Variants in ZNF638 observed in about 807,000 individuals in gnomAD.
ZNF638 encodes the protein zinc finger protein 638.
A neutral mutation model predicts 195.6 loss-of-function variants in ZNF638; 46 were observed. The ratio of observed to expected loss-of-function variants is 0.24; its 90% CI spans 0.19 to 0.30. The LOEUF is 0.30. Among genes scored for constraint, ZNF638 ranks in the 10% least tolerant of loss-of-function variants. ZNF638 has a pLI of 1.00. For synonymous variants in ZNF638, 845 were observed against 772.0 expected (o/e 1.09, Z -1.57); for missense variants, 2,440 against 2,325.3 (o/e 1.05, Z -1.01).
In ZNF638 at chr2:71,364,205, G is replaced by C; in HGVS notation, c.1670G>C (p.Arg557Pro). Reference protein sequence around the residue: ...NPFRGSPKCFRSVSPERMSRR... With the variant: ...NPFRGSPKCFPSVSPERMSRR... ...TTTAGAGGTAGTCCAAAATGCTTTC[G>C]ATCAGTTAGCCCTGAGAGGATGTCA... The change falls in exon 5 of 28, where the codon CGA becomes CCA. Residue 557 changes from arginine (R) to proline (P), a missense_variant. Around this residue, in one of 5 missense-constraint regions of ZNF638, gnomAD observed 1,883 missense variants for 1,739.1 expected, o/e 1.08. Coordinates refer to ENST00000264447, the MANE Select transcript of ZNF638 (RefSeq NM_014497.5). 6.2e-7 allele frequency: 1 copy of C among 1,614,174 alleles called. No individual in the cohort carries two copies.
chr2:71,358,871 A>C (rs1440147998), intron 3 of ZNF638, among the ~76,000 whole-genome samples: 1 of 152,174 alleles, frequency 6.6e-6, no homozygotes, highest in Admixed American at 6.5e-5. Flanking sequence ...TTGCATTATT[A>C]CTATACCTGT....
intron 8 of ZNF638, among the ~76,000 whole-genome samples, chr2:71,373,427 T>A (rs2079353978): frequency 6.8e-6 from 1 of 147,902 alleles, no homozygotes; most frequent in African/African-American, 2.5e-5. Flanking sequence ...CATACATATA[T>A]CAAGTTTGAA....
At position 71,395,483 on chromosome 2, in the gene ZNF638, T is replaced by C. The variant is rs552635756; in HGVS notation, c.2378-658T>C. ...TGAAGGCAGCTAAATTCTCTTACCCTGACGCTAAGGGCAAGAAGTAGGTAA... is the reference window on the plus strand; with the variant it reads ...TGAAGGCAGCTAAATTCTCTTACCCCGACGCTAAGGGCAAGAAGTAGGTAA... On this transcript the variant is annotated intron_variant, in intron 10 of 27. Coordinates refer to ENST00000264447, the MANE Select transcript of ZNF638 (RefSeq NM_014497.5). 9 of 604,338 alleles carry C rather than the reference T, an allele frequency of 1.5e-5. No individual in the cohort carries two copies. The East Asian group carries it at 2.5e-4, about 17-fold the overall frequency. The allele number at this position is 604,338 out of a possible 1,614,324, so 37.4% of individuals were successfully genotyped here. A position where few individuals can be genotyped will look rare whatever the true frequency, so the allele number is the denominator to read the frequency against.
At chr2:71,358,087 A>G (rs1400460557) in intron 3 of ZNF638, among the ~76,000 whole-genome samples, 2 of 152,124 alleles carry the variant, frequency 1.3e-5, no homozygotes, top group African/African-American at 4.8e-5. Context: ...ACTGGGGACA[A>G]TCATTGACAT....
chr2:71,384,009 A>C (rs1419127849), intron 10 of ZNF638, among the ~76,000 whole-genome samples: 2 of 151,988 alleles, frequency 1.3e-5, no homozygotes, highest in Middle Eastern at 3.4e-3. Flanking sequence ...TATATTATTT[A>C]ACAGTTACCA....
intron 3 of ZNF638, 94 bp downstream of exon 3, chr2:71,355,874 G>A: frequency 3.4e-6 from 2 of 589,088 alleles, no homozygotes; most frequent in Non-Finnish European, 2.7e-6. Context: ...ATAATACTTT[G>A]GAGAAAAATA....
intron 20 of ZNF638, among the ~76,000 whole-genome samples, chr2:71,410,807 G>C (rs2080198842): frequency 6.6e-6 from 1 of 152,020 alleles, no homozygotes; most frequent in Non-Finnish European, 1.5e-5. Context: ...ATTTCAAGGG[G>C]AGATTTTTAG....
chr2:71,368,012 C>T (rs754786577), intron 6 of ZNF638, among the ~76,000 whole-genome samples: 1 of 152,106 alleles, frequency 6.6e-6, no homozygotes, highest in Non-Finnish European at 1.5e-5. Flanking sequence ...GCTGTAATTT[C>T]AGCTTTACTT....
intron 2 of ZNF638, 127 bp from the exon 3 acceptor site, chr2:71,355,592 C>G: frequency 3.0e-6 from 2 of 668,454 alleles, no homozygotes; most frequent in Non-Finnish European, 5.0e-6. Context: ...ACTGAGCAGC[C>G]AAATGCTATT....
chr2:71,433,221 T>C lies in ZNF638; in HGVS notation c.5809T>C (p.Tyr1937His). The C allele has an allele frequency of 6.2e-7, 1 of 1,614,200 alleles. No homozygotes were observed. The highest frequency in any genetic ancestry group is 8.5e-7 in the Non-Finnish European group (1 of 1,180,012). Residue 1937 changes from tyrosine (Y) to histidine (H), a missense_variant, in exon 27 of 28, where the codon TAC becomes CAC. By Grantham distance (83) the Tyr-to-His change is moderately conservative (BLOSUM62 2). Around this residue, in one of 5 missense-constraint regions of ZNF638, gnomAD observed 1,883 missense variants for 1,739.1 expected, o/e 1.08. Coordinates refer to ENST00000264447, the MANE Select transcript of ZNF638 (RefSeq NM_014497.5). Reference protein sequence around the residue: ...GFFCPICSLFYSGEKAMTNHC... With the variant: ...GFFCPICSLFHSGEKAMTNHC... ...CTTCTGTCCAATTTGTTCCCTCTTC[T>C]ACTCAGGTGAAAAAGCAATGACAAA...
At chr2:71,407,840 A>G (rs1211606129) in intron 19 of ZNF638, 1 of 245,754 alleles carries the variant, frequency 4.1e-6, no homozygotes, top group Non-Finnish European at 7.8e-6. Context: ...ATGTTGCAGC[A>G]TGTGTCAGAT....
chr2:71,389,295 A>G (rs1573099991), intron 10 of ZNF638, among the ~76,000 whole-genome samples: 2 of 152,224 alleles, frequency 1.3e-5, no homozygotes, highest in African/African-American at 4.8e-5. Flanking sequence ...CTGCCCGGTA[A>G]TGCAAGATCA....
Position 71,426,828 on chromosome 2 carries a change from T to C in ZNF638, c.4959T>C (p.Asp1653=). 1 of 1,613,536 alleles carries C rather than the reference T, an allele frequency of 6.2e-7. No homozygotes were observed. The highest frequency in any genetic ancestry group is 1.1e-5 in the South Asian group (1 of 91,002). ...FTLDELIDQD[D]CISHSEPKDV... Reference sequence around the variant, plus strand: ...TAGATGAATTAATTGACCAAGATGATTGCATTTCCCACAGTGAACCTAAAG... The same window carrying C: ...TAGATGAATTAATTGACCAAGATGACTGCATTTCCCACAGTGAACCTAAAG... The change falls in exon 24 of 28, where the codon GAT becomes GAC. Residue 1653 remains aspartate (D), a synonymous_variant. Transcript: ENST00000264447.
intron 8 of ZNF638, among the ~76,000 whole-genome samples, chr2:71,377,533 C>G (rs2079453662): frequency 6.6e-6 from 1 of 152,154 alleles, no homozygotes; most frequent in African/African-American, 2.4e-5. Flanking sequence ...CGAAAATACG[C>G]AATCAGAATT....
At chr2:71,417,254 C>T (rs1399672613) in intron 20 of ZNF638, among the ~76,000 whole-genome samples, 1 of 151,706 alleles carries the variant, frequency 6.6e-6, no homozygotes, top group African/African-American at 2.4e-5. Context: ...GTGCGTCCGT[C>T]ACCCCTTTCT....
At chr2:71,431,775 CAAAA>C (rs1231588404) in intron 26 of ZNF638, among the ~76,000 whole-genome samples, 2 of 146,652 alleles carry the variant, frequency 1.4e-5, no homozygotes, top group East Asian at 4.0e-4. Context: ...AAAAAAAAAA[CAAAA>C]ACACCATAAT....
At chr2:71,357,804 A>T (rs2079048740) in intron 3 of ZNF638, among the ~76,000 whole-genome samples, 1 of 152,220 alleles carries the variant, frequency 6.6e-6, no homozygotes, top group African/African-American at 2.4e-5. Context: ...GGGGAGATAT[A>T]TATAAATACA....
In ZNF638 at chr2:71,408,258, T is replaced by A. The variant is rs758633726; in HGVS notation, c.3261+11T>A. 6.2e-7 allele frequency: 1 copy of A among 1,605,846 alleles called. No individual in the cohort carries two copies. Among genetic ancestry groups the A allele is most frequent in the Non-Finnish European group, 8.5e-7 (1 of 1,177,530 alleles). Reference sequence around the variant, plus strand: ...ATAGACTTACCAGAGGTAAGATTTATCTTTCTTCAGCTTTTGTGATTTTAG... The same window carrying A: ...ATAGACTTACCAGAGGTAAGATTTAACTTTCTTCAGCTTTTGTGATTTTAG... On this transcript the variant is annotated intron_variant, in intron 20 of 27. Transcript: ENST00000264447.
At chr2:71,370,778 A>G (rs2079295747) in intron 8 of ZNF638, among the ~76,000 whole-genome samples, 1 of 152,244 alleles carries the variant, frequency 6.6e-6, no homozygotes, top group Admixed American at 6.5e-5. Flanking sequence ...TAATAATCAC[A>G]TTATGGAAAA....
Sources: allele counts gnomAD v4.1 joint callset (sites outside exome capture counted in the v4.1 genomes callset), GRCh38; gene constraint gnomAD v4.1.1; regional missense constraint gnomAD v4.1.1; transcripts MANE v1.5; gene names NCBI Gene and HGNC (gene_info 2026-07-23, HGNC 2026-07-21).